The following SPRED1 variants were observed in gnomAD, a reference collection of about 807,000 sequenced individuals.
SPRED1 encodes the protein sprouty related EVH1 domain containing 1, also known as sprouty-related, EVH1 domain-containing protein 1.
SPRED1 carries 18 observed loss-of-function variants against 52.3 expected under a neutral mutation model. That is an observed-to-expected ratio of 0.34 (90% CI 0.24 to 0.51). The LOEUF is 0.51. Among genes scored for constraint, SPRED1 ranks in the 20% least tolerant of loss-of-function variants. The pLI, the probability that SPRED1 is intolerant of heterozygous loss-of-function variation, is 0.97. For missense variants in SPRED1, 485 were observed against 551.0 expected (o/e 0.88, Z 1.20); for synonymous variants, 155 against 179.7 (o/e 0.86, Z 1.10).
chr15:38,326,245 G>A (rs1332141506), intron 4 of SPRED1: 2 of 152,210 alleles, frequency 1.3e-5, no homozygotes, highest in Admixed American at 1.3e-4. Context: ...TGTACCTAAT[G>A]TACTGAGTGG....
chr15:38,253,787 G>A (rs962553359), intron 1 of SPRED1, among the ~76,000 whole-genome samples: 3 of 152,092 alleles, frequency 2.0e-5, no homozygotes, highest in African/African-American at 7.2e-5. Flanking sequence ...AATTTAATAG[G>A]ATTAAGGACA....
chr15:38,275,067 G>A (rs1163561709), intron 1 of SPRED1, among the ~76,000 whole-genome samples: 1 of 152,144 alleles, frequency 6.6e-6, no homozygotes, highest in Non-Finnish European at 1.5e-5. Flanking sequence ...TTTAGCATCT[G>A]CTGATGATTC....
At chr15:38,292,408 G>A (rs967545680) in intron 1 of SPRED1, among the ~76,000 whole-genome samples, 4 of 151,926 alleles carry the variant, frequency 2.6e-5, no homozygotes, top group African/African-American at 9.7e-5. Flanking sequence ...CCACTCTACT[G>A]GTACCAATTT....
chr15:38,294,452 C>T (rs1181676412), intron 1 of SPRED1, among the ~76,000 whole-genome samples: 8 of 152,058 alleles, frequency 5.3e-5, no homozygotes, highest in Non-Finnish European at 1.2e-4. Context: ...CGTGTTTCCT[C>T]CTTTGTAGTA....
At chr15:38,257,275 T>C (rs549986232) in intron 1 of SPRED1, among the ~76,000 whole-genome samples, 48 of 152,330 alleles carry the variant, frequency 3.2e-4, no homozygotes, top group Admixed American at 2.7e-3. Context: ...TTCCCTACTT[T>C]TGTTTGTATG....
chr15:38,267,427 T>C (rs1894332462), intron 1 of SPRED1, among the ~76,000 whole-genome samples: 2 of 152,196 alleles, frequency 1.3e-5, no homozygotes, highest in African/African-American at 4.8e-5. Flanking sequence ...GGGATAAGTG[T>C]GTCAAAGAGT....
intron 1 of SPRED1, among the ~76,000 whole-genome samples, chr15:38,264,618 A>G (rs1337375282): frequency 6.6e-6 from 1 of 151,990 alleles, no homozygotes; most frequent in East Asian, 1.9e-4. Context: ...GGGTGGTATC[A>G]GGAGTTGAGG....
chr15:38,305,237 C>T (rs10163047), intron 2 of SPRED1, among the ~76,000 whole-genome samples: 360 of 151,406 alleles, frequency 2.4e-3, no homozygotes, highest in African/African-American at 8.3e-3. Flanking sequence ...GAGGCTGAGG[C>T]AGGAGAATTG....
chr15:38,304,912 TTCAG>T (rs1364865244), intron 2 of SPRED1, among the ~76,000 whole-genome samples: 4 of 152,222 alleles, frequency 2.6e-5, no homozygotes, highest in Non-Finnish European at 4.4e-5. Context: ...TCTAAATCTT[TTCAG>T]TCAATCTCTC....
At chr15:38,346,634 C>T (rs1896142901) in intron 5 of SPRED1, among the ~76,000 whole-genome samples, 1 of 152,066 alleles carries the variant, frequency 6.6e-6, no homozygotes, top group South Asian at 2.1e-4. Flanking sequence ...AGTTCTAAAA[C>T]TTGTTTCTTT....
chr15:38,333,234 A>G (rs144976724), intron 4 of SPRED1, among the ~76,000 whole-genome samples: 3 of 152,338 alleles, frequency 2.0e-5, no homozygotes, highest in Non-Finnish European at 4.4e-5. Flanking sequence ...GACTGAATCA[A>G]CAAAGACTTT....
intron 1 of SPRED1, among the ~76,000 whole-genome samples, chr15:38,293,660 T>C (rs1354833897): frequency 1.3e-5 from 2 of 152,224 alleles, no homozygotes; most frequent in Non-Finnish European, 2.9e-5. Flanking sequence ...GCTTTCTTGC[T>C]TATTATCATC....
intron 1 of SPRED1, among the ~76,000 whole-genome samples, chr15:38,261,579 T>A (rs751486305): frequency 6.6e-6 from 1 of 152,200 alleles, no homozygotes; most frequent in Non-Finnish European, 1.5e-5. Context: ...TTTTGTTTTT[T>A]TAATTTATTT....
chr15:38,293,246 C>G (rs1213509274), intron 1 of SPRED1, among the ~76,000 whole-genome samples: 1 of 151,818 alleles, frequency 6.6e-6, no homozygotes, highest in Non-Finnish European at 1.5e-5. Context: ...ACTACAGGCA[C>G]ACGCCACTAC....
intron 1 of SPRED1, among the ~76,000 whole-genome samples, chr15:38,280,636 G>A (rs1339573415): frequency 1.3e-5 from 2 of 152,080 alleles, no homozygotes; most frequent in Non-Finnish European, 2.9e-5. Flanking sequence ...TAGGACATTT[G>A]GTTAGGCAGT....
intron 1 of SPRED1, among the ~76,000 whole-genome samples, chr15:38,263,353 C>T (rs1331808339): frequency 6.6e-6 from 1 of 151,976 alleles, no homozygotes; most frequent in Non-Finnish European, 1.5e-5. Context: ...GTTGAGTTCT[C>T]AAAAAGGTTA....
rs547532432 is a variant in SPRED1, at chr15:38,350,896, A to G, written c.685-118A>G. On this transcript the variant is annotated intron_variant, in intron 6 of 6. Coordinates refer to ENST00000299084, the MANE Select transcript of SPRED1 (RefSeq NM_152594.3). ...AATGTTGATCTCATCCCAAAAACAT[A>G]TCATAGAAATGTCCAGAATAATATT... 2.7e-5 allele frequency: 29 copies of G among 1,066,852 alleles called. No individual in the cohort carries two copies. The South Asian group carries it at 4.0e-4, about 15-fold the overall frequency. 66.1% of individuals were successfully genotyped at this position (1,066,852 alleles called of 1,614,324 possible).
At chr15:38,345,969 GTTCC>G (rs1287435910) in intron 5 of SPRED1, among the ~76,000 whole-genome samples, 1 of 152,148 alleles carries the variant, frequency 6.6e-6, no homozygotes, top group African/African-American at 2.4e-5. Context: ...GCTAGTTTAT[GTTCC>G]CTTAGTAATG....
At chr15:38,321,689 G>A (rs577541533) in intron 2 of SPRED1, among the ~76,000 whole-genome samples, 7 of 152,266 alleles carry the variant, frequency 4.6e-5, no homozygotes, top group African/African-American at 1.7e-4. Context: ...CACCTCCTGG[G>A]CTCAGACGAT....
Sources: allele counts gnomAD v4.1 joint callset (sites outside exome capture counted in the v4.1 genomes callset), GRCh38; gene constraint gnomAD v4.1.1; transcripts MANE v1.5; gene names NCBI Gene and HGNC (gene_info 2026-07-23, HGNC 2026-07-21).